EPHA7: variants seen among roughly 807,000 people sequenced by gnomAD.
EPHA7 encodes EPH receptor A7, also known as ephrin type-A receptor 7.
A neutral mutation model predicts 112.6 loss-of-function variants in EPHA7; 25 were observed. The ratio of observed to expected loss-of-function variants is 0.22; its 90% CI spans 0.16 to 0.31. The LOEUF is 0.31. EPHA7 is among the 10% of genes least tolerant of loss of function. The pLI, the probability that EPHA7 is intolerant of heterozygous loss-of-function variation, is 1.00. For missense variants in EPHA7, 962 were observed against 1,212.6 expected (o/e 0.79, Z 3.07); for synonymous variants, 437 against 406.5 (o/e 1.07, Z -0.90).
intron 5 of EPHA7, among the ~76,000 whole-genome samples, chr6:93,309,138 AG>A (rs1207774704): frequency 1.4e-4 from 22 of 152,238 alleles, no homozygotes; most frequent in Non-Finnish European, 1.5e-5. Flanking sequence ...TAGTAGAGAC[AG>A]GGTTTCACCA....
At chr6:93,304,219 G>A (rs182529756) in intron 5 of EPHA7, among the ~76,000 whole-genome samples, 1 of 150,990 alleles carries the variant, frequency 6.6e-6, no homozygotes, top group East Asian at 1.9e-4. Context: ...GTATATACTT[G>A]TAGTATACAC....
At position 93,350,938 on chromosome 6, in the gene EPHA7, T is replaced by A. The variant is rs889086513; in HGVS notation, c.1324+5779A>T. Among the ~76,000 whole-genome samples the A allele has an allele frequency of 4.6e-5, 7 of 152,170 alleles. 1 individual carries two copies. Among genetic ancestry groups the A allele is most frequent in the Middle Eastern group, 6.8e-3 (2 of 294 alleles). ...AGTAATCTTTCCCACAAATCTTTAT[T>A]CATCCAGTTCATACCATTATTCCAT... is the stretch of plus-strand genomic sequence containing the variant. On this transcript the variant is annotated intron_variant, in intron 5 of 16. Transcript: ENST00000369303.
chr6:93,308,981 C>T (rs893276539), intron 5 of EPHA7, among the ~76,000 whole-genome samples: 1 of 151,056 alleles, frequency 6.6e-6, no homozygotes, highest in African/African-American at 2.4e-5. Context: ...CAGAGTCTTG[C>T]TCTGTCGCCC....
At chr6:93,299,084 T>C (rs2127847091) in intron 5 of EPHA7, among the ~76,000 whole-genome samples, 1 of 151,464 alleles carries the variant, frequency 6.6e-6, no homozygotes, top group South Asian at 2.1e-4. Flanking sequence ...CCCAGCACTT[T>C]GGGAGGCCGA....
intron 7 of EPHA7, 93 bp from the exon 8 acceptor site, chr6:93,264,795 C>A: frequency 3.4e-6 from 2 of 587,382 alleles, no homozygotes; most frequent in Non-Finnish European, 5.5e-6. Flanking sequence ...CTATTTAATT[C>A]TTTATAATTT....
intron 15 of EPHA7, 42 bp downstream of exon 15, chr6:93,246,750 T>C (rs1264480779): frequency 5.2e-6 from 8 of 1,523,852 alleles, no homozygotes; most frequent in Non-Finnish European, 7.2e-6. Context: ...TATGTTACTA[T>C]TGTAATTTCT....
chr6:93,267,914 T>G (rs1014260660), intron 7 of EPHA7, among the ~76,000 whole-genome samples: 1 of 151,708 alleles, frequency 6.6e-6, no homozygotes, highest in Non-Finnish European at 1.5e-5. Flanking sequence ...ATTTTAAGTT[T>G]AAACTATTTA....
intron 5 of EPHA7, among the ~76,000 whole-genome samples, chr6:93,354,930 T>A (rs1775868933): frequency 6.6e-6 from 1 of 152,136 alleles, no homozygotes; most frequent in Admixed American, 6.6e-5. Context: ...TTAGCAGGAA[T>A]AAAAGAATGT....
Position 93,383,321 on chromosome 6 carries a change from T to TTGTG in EPHA7, c.833-24914_833-24911dup, listed in dbSNP as rs150790121. On this transcript the variant is annotated intron_variant, in intron 3 of 16. Transcript: ENST00000369303. ...ACAATGACTTATATCAGAACTCATTTTGTGTGTGTGTGTGTGTGTGTATAA... is the reference window on the plus strand; with the variant it reads ...ACAATGACTTATATCAGAACTCATTTTGTGTGTGTGTGTGTGTGTGTGTGTATAA... Among the ~76,000 whole-genome samples the TTGTG allele has an allele frequency of 2.1e-4, 31 of 146,548 alleles. No homozygotes were observed. The South Asian group carries it at 3.3e-3, about 15-fold the overall frequency.
chr6:93,308,439 A>G (rs901837075), intron 5 of EPHA7, among the ~76,000 whole-genome samples: 1 of 152,074 alleles, frequency 6.6e-6, no homozygotes, highest in Non-Finnish European at 1.5e-5. Flanking sequence ...TAGGAATGAT[A>G]TCTTTAAACA....
intron 3 of EPHA7, among the ~76,000 whole-genome samples, chr6:93,390,112 A>G (rs1225165421): frequency 6.6e-6 from 1 of 151,860 alleles, no homozygotes; most frequent in Admixed American, 6.6e-5. Context: ...AGTAAACCAC[A>G]TCAACTATAT....
At chr6:93,361,378 A>C (rs1291335682) in intron 3 of EPHA7, among the ~76,000 whole-genome samples, 1 of 152,080 alleles carries the variant, frequency 6.6e-6, no homozygotes, top group African/African-American at 2.4e-5. Context: ...TGCAAAAAAA[A>C]CAAAAGCAGT....
chr6:93,261,234 G>A lies in EPHA7; in HGVS notation c.1799-1755C>T, dbSNP rs1395881909. 2.0e-5 allele frequency among the ~76,000 whole-genome samples: 3 copies of A among 151,620 alleles called. No homozygotes were observed. In the East Asian group the frequency reaches 5.8e-4, roughly 29 times the overall value. On this transcript the variant is annotated intron_variant, in intron 9 of 16. Coordinates refer to ENST00000369303, the MANE Select transcript of EPHA7 (RefSeq NM_004440.4). ...TTATATCTTTAAATGTAGCACTTGGGGCCATGAAAAGTTGAGGGTGCCTGA... is the reference window on the plus strand; with the variant it reads ...TTATATCTTTAAATGTAGCACTTGGAGCCATGAAAAGTTGAGGGTGCCTGA...
chr6:93,404,291 C>T (rs1445073417), intron 3 of EPHA7, among the ~76,000 whole-genome samples: 2 of 151,952 alleles, frequency 1.3e-5, no homozygotes, highest in African/African-American at 4.8e-5. Context: ...GGTAGAGACA[C>T]ATATTTCGAA....
intron 5 of EPHA7, among the ~76,000 whole-genome samples, chr6:93,327,788 CCTAAA>C (rs1468028331): frequency 1.3e-5 from 2 of 151,432 alleles, no homozygotes; most frequent in Admixed American, 6.6e-5. Context: ...GCAATAGCCT[CCTAAA>C]CTAATCTCTT....
chr6:93,340,890 A>G (rs1775105989), intron 5 of EPHA7, among the ~76,000 whole-genome samples: 1 of 151,986 alleles, frequency 6.6e-6, no homozygotes, highest in Non-Finnish European at 1.5e-5. Flanking sequence ...ATAGTGGAAC[A>G]CTTATAAATG....
At chr6:93,374,865 T>C (rs1776973146) in intron 3 of EPHA7, among the ~76,000 whole-genome samples, 1 of 152,186 alleles carries the variant, frequency 6.6e-6, no homozygotes, top group Admixed American at 6.5e-5. Context: ...CAGTAAGTAA[T>C]TTACACATAT....
At chr6:93,299,144 G>A (rs1024991463) in intron 5 of EPHA7, among the ~76,000 whole-genome samples, 1 of 151,892 alleles carries the variant, frequency 6.6e-6, no homozygotes, top group African/African-American at 2.4e-5. Context: ...GGCTAACACA[G>A]TGAAACCTCA....
intron 3 of EPHA7, among the ~76,000 whole-genome samples, chr6:93,359,030 T>C (rs1776106558): frequency 6.6e-6 from 1 of 152,096 alleles, no homozygotes; most frequent in Admixed American, 6.6e-5. Context: ...TCTTTGTTAC[T>C]AAAAATAATG....
Sources: allele counts gnomAD v4.1 joint callset (sites outside exome capture counted in the v4.1 genomes callset), GRCh38; gene constraint gnomAD v4.1.1; transcripts MANE v1.5; gene names NCBI Gene and HGNC (gene_info 2026-07-23, HGNC 2026-07-21).